Variants in MAPK4 observed in about 807,000 individuals in gnomAD.
MAPK4 encodes the protein Erk3-related.
Under a neutral mutation model 47.7 loss-of-function variants are expected in MAPK4, and 22 were observed. The ratio of observed to expected loss-of-function variants is 0.46; its 90% CI spans 0.33 to 0.66. The LOEUF (loss-of-function observed/expected upper bound fraction) is 0.66. MAPK4 is among the 30% of genes least tolerant of loss of function. The probability of loss-of-function intolerance (pLI) is 0.02; values close to 1 mark genes in which losing one functional copy is unlikely to be tolerated. For synonymous variants in MAPK4, 390 were observed against 365.7 expected, an observed-to-expected ratio of 1.07 and a Z score of -0.76; for missense variants, 736 against 831.7, an observed-to-expected ratio of 0.88 and a Z score of 1.42.
At chr18:50,575,026 T>C (rs2042282676) in intron 1 of MAPK4, among the ~76,000 whole-genome samples, 3 of 152,222 alleles carry the variant, frequency 2.0e-5, no homozygotes, top group African/African-American at 7.2e-5. Flanking sequence ...CTAATATTCA[T>C]GGGTTGGAAA....
chr18:50,598,382 T>C (rs548902011), intron 1 of MAPK4, among the ~76,000 whole-genome samples: 2 of 152,368 alleles, frequency 1.3e-5, no homozygotes, highest in African/African-American at 2.4e-5. Context: ...CCTTGATCTG[T>C]CTTGTCCCTG....
At chr18:50,574,362 A>C (rs2042276719) in intron 1 of MAPK4, among the ~76,000 whole-genome samples, 1 of 152,222 alleles carries the variant, frequency 6.6e-6, no homozygotes, top group South Asian at 2.1e-4. Flanking sequence ...CCTTTCTACA[A>C]GACTAATGTC....
chr18:50,709,428 G>T (rs1910232160), intron 2 of MAPK4, among the ~76,000 whole-genome samples: 1 of 152,232 alleles, frequency 6.6e-6, no homozygotes, highest in Admixed American at 6.5e-5. Context: ...CCACCTGCTA[G>T]TAAGACTTGC....
intron 1 of MAPK4, among the ~76,000 whole-genome samples, chr18:50,617,719 C>T (rs929372475): frequency 1.3e-5 from 2 of 152,162 alleles, no homozygotes; most frequent in Admixed American, 6.5e-5. Flanking sequence ...TCTGATCCTC[C>T]CACTCATGAT....
intron 1 of MAPK4, among the ~76,000 whole-genome samples, chr18:50,651,914 G>A (rs1386838870): frequency 6.6e-6 from 1 of 152,246 alleles, no homozygotes; most frequent in Non-Finnish European, 1.5e-5. Context: ...TATTGGAGGT[G>A]TGTTGAGACT....
intron 1 of MAPK4, among the ~76,000 whole-genome samples, chr18:50,585,661 G>T (rs1331261628): frequency 1.3e-5 from 2 of 152,188 alleles, no homozygotes; most frequent in African/African-American, 4.8e-5. Flanking sequence ...TCAATAAGGG[G>T]CTTGGTAAGT....
intron 1 of MAPK4, among the ~76,000 whole-genome samples, chr18:50,613,338 C>T (rs937502217): frequency 6.6e-6 from 1 of 152,176 alleles, no homozygotes; most frequent in African/African-American, 2.4e-5. Context: ...CTGTGTGTGG[C>T]CTCTAAGACC....
chr18:50,571,132 G>T (rs560474420), intron 1 of MAPK4, among the ~76,000 whole-genome samples: 85 of 152,234 alleles, frequency 5.6e-4, no homozygotes, highest in African/African-American at 1.9e-3. Flanking sequence ...TTAGGGGGAG[G>T]TATCCCACTG....
intron 1 of MAPK4, among the ~76,000 whole-genome samples, chr18:50,617,134 T>C (rs779204985): frequency 2.6e-5 from 4 of 152,238 alleles, no homozygotes; most frequent in Non-Finnish European, 5.9e-5. Context: ...GATGAGGGAA[T>C]AATTATTACT....
At chr18:50,696,599 G>A (rs1294525995) in intron 2 of MAPK4, among the ~76,000 whole-genome samples, 1 of 152,234 alleles carries the variant, frequency 6.6e-6, no homozygotes, top group Non-Finnish European at 1.5e-5. Context: ...CGCAAACCCA[G>A]AGAACCCCCT....
chr18:50,573,028 T>G (rs1482553166), intron 1 of MAPK4, among the ~76,000 whole-genome samples: 2 of 152,212 alleles, frequency 1.3e-5, no homozygotes, highest in African/African-American at 4.8e-5. Context: ...CAGTTATGAT[T>G]ATGGGGCAGT....
intron 2 of MAPK4, among the ~76,000 whole-genome samples, chr18:50,711,963 C>T (rs775628236): frequency 2.0e-5 from 3 of 152,048 alleles, no homozygotes; most frequent in Non-Finnish European, 2.9e-5. Flanking sequence ...GGGCTCAGCT[C>T]AGCTGACAGC....
chr18:50,624,872 G>C (rs548394445), intron 1 of MAPK4, among the ~76,000 whole-genome samples: 61 of 152,110 alleles, frequency 4.0e-4, no homozygotes, highest in African/African-American at 1.4e-3. Flanking sequence ...GGGATCTAGA[G>C]AACTTGCTGT....
rs757694990 is a variant in MAPK4 at position 50,664,200 on chromosome 18, A to T, written c.242A>T (p.Tyr81Phe). The change falls in exon 2 of 6, where the codon TAC becomes TTC. Residue 81 changes from tyrosine to phenylalanine, a missense_variant. By Grantham distance (22) the Tyr-to-Phe change is conservative. This residue lies in a region of MAPK4 where 327 missense variants were observed against 395.4 expected (regional missense o/e 0.83). Coordinates refer to ENST00000400384, the MANE Select transcript of MAPK4 (RefSeq NM_002747.4). This position sits in a 1 kb window ranked among gnomAD's most constrained non-coding sequence, Gnocchi z 6.0. ...RLDHDNIVKV[Y>F]EVLGPKGTDL... is the part of the protein sequence containing the mutation. ...GACCACGACAACATCGTCAAAGTGT[A>T]CGAGGTGCTCGGTCCCAAGGGCACT... is the stretch of plus-strand genomic sequence containing the variant. The T allele has an allele frequency of 1.2e-5, 19 of 1,613,980 alleles. No homozygotes were observed. The highest frequency in any genetic ancestry group is 5.5e-5 in the South Asian group (5 of 91,068).
intron 1 of MAPK4, among the ~76,000 whole-genome samples, chr18:50,645,268 G>A (rs1294607020): frequency 6.6e-6 from 1 of 152,090 alleles, no homozygotes; most frequent in Non-Finnish European, 1.5e-5. Flanking sequence ...TAACAGCTGG[G>A]GTTAAAGATG....
chr18:50,639,553 C>T (rs2144176992), intron 1 of MAPK4, among the ~76,000 whole-genome samples: 1 of 152,290 alleles, frequency 6.6e-6, no homozygotes, highest in Admixed American at 6.5e-5. Context: ...ATTCTGTAAT[C>T]TACCACTCAC....
At chr18:50,679,688 T>C (rs1908473436) in intron 2 of MAPK4, among the ~76,000 whole-genome samples, 1 of 152,156 alleles carries the variant, frequency 6.6e-6, no homozygotes, top group Non-Finnish European at 1.5e-5. Flanking sequence ...TTGAGAACTT[T>C]CCTGGTACCC....
chr18:50,572,972 G>T (rs533113379), intron 1 of MAPK4, among the ~76,000 whole-genome samples: 2 of 152,278 alleles, frequency 1.3e-5, no homozygotes, highest in South Asian at 4.1e-4. Context: ...ACCTAGAAAA[G>T]CAGGTGTATA....
chr18:50,621,186 T>A (rs915924799), intron 1 of MAPK4, among the ~76,000 whole-genome samples: 1 of 152,170 alleles, frequency 6.6e-6, no homozygotes, highest in African/African-American at 2.4e-5. Flanking sequence ...AAATCATAAA[T>A]CTTCTGACTC....
Sources: gnomAD v4.1 joint callset for allele counts (sites outside exome capture counted in the v4.1 genomes callset) on GRCh38, gnomAD v4.1.1 for gene constraint, gnomAD v4.1.1 regional missense constraint, Gnocchi (gnomAD v3.1) non-coding constraint, MANE v1.5 for transcripts, NCBI Gene and HGNC (gene_info 2026-07-23, HGNC 2026-07-21) for gene names.